CADM1: variants seen among roughly 807,000 people sequenced by gnomAD.
CADM1 encodes the protein cell adhesion molecule 1.
In CADM1, 15 loss-of-function variants were observed where a neutral mutation model predicts 53.1. That is an observed-to-expected ratio of 0.28 (90% confidence interval 0.19 to 0.44). The LOEUF is 0.44. Among genes scored for constraint, CADM1 ranks in the 20% least tolerant of loss-of-function variants. The pLI is 1.00. For synonymous variants in CADM1, 281 were observed against 243.0 expected (o/e 1.16, Z -1.45); for missense variants, 434 against 611.3 (o/e 0.71, Z 3.06).
intron 1 of CADM1, among the ~76,000 whole-genome samples, chr11:115,373,503 T>C (rs942939970): frequency 7.0e-6 from 1 of 142,750 alleles, no homozygotes; most frequent in African/African-American, 2.6e-5. Context: ...GAGAATTGCA[T>C]GAACCTGGGA....
intron 1 of CADM1, among the ~76,000 whole-genome samples, chr11:115,442,249 A>T (rs1948332000): frequency 6.6e-6 from 1 of 152,030 alleles, no homozygotes; most frequent in African/African-American, 2.4e-5. Flanking sequence ...AAATACAATC[A>T]TAATATATGA....
intron 1 of CADM1, among the ~76,000 whole-genome samples, chr11:115,473,320 G>A (rs1343816771): frequency 2.6e-5 from 4 of 152,104 alleles, no homozygotes; most frequent in East Asian, 1.9e-4. Context: ...TTCGCCAGGC[G>A]TGGTGGCACA....
chr11:115,446,154 A>G (rs1436681440), intron 1 of CADM1, among the ~76,000 whole-genome samples: 5 of 152,046 alleles, frequency 3.3e-5, no homozygotes, highest in Non-Finnish European at 7.4e-5. Context: ...AACACCTACT[A>G]TGTGCTAGCA....
chr11:115,206,371 G>C (rs548679225), intron 8 of CADM1, among the ~76,000 whole-genome samples: 2 of 152,308 alleles, frequency 1.3e-5, no homozygotes, highest in Non-Finnish European at 2.9e-5. Context: ...GGGTAAGCAG[G>C]AGGCAGAAAA....
chr11:115,349,618 C>T (rs1165168222), intron 1 of CADM1, among the ~76,000 whole-genome samples: 1 of 152,196 alleles, frequency 6.6e-6, no homozygotes, highest in Non-Finnish European at 1.5e-5. Context: ...AAGCCAGATT[C>T]TGTTGGTATT....
intron 6 of CADM1, among the ~76,000 whole-genome samples, chr11:115,215,865 CACG>C (rs1941160002): frequency 6.6e-6 from 1 of 152,206 alleles, no homozygotes; most frequent in South Asian, 2.1e-4. Flanking sequence ...GGAGCAGCGA[CACG>C]ACAAGAGACC....
rs991408884 is a variant in CADM1, at chr11:115,172,725, A to ATTTTTTTT, written c.*3741_*3748dup. The ATTTTTTTT allele has an allele frequency of 1.6e-4, 14 of 85,542 alleles. No homozygotes were observed. The highest frequency in any genetic ancestry group is 1.9e-4 in the Admixed American group (1 of 5,252). 5.3% of individuals were successfully genotyped at this position (85,542 alleles called of 1,614,324 possible). A position where few individuals can be genotyped will look rare whatever the true frequency, so the allele number is the denominator to read the frequency against. ...CAGGTGCTCAATAACTGCATATCTG[A>ATTTTTTTT]TTTTTTTTTTTTTTTTTTTTTTTTT... On this transcript the variant is annotated 3_prime_UTR_variant, in exon 12 of 12. Transcript: ENST00000331581.
intron 1 of CADM1, among the ~76,000 whole-genome samples, chr11:115,491,078 T>A (rs879879885): frequency 5.3e-5 from 8 of 152,018 alleles, no homozygotes; most frequent in Non-Finnish European, 8.8e-5. Flanking sequence ...AAGTAAATTA[T>A]ACTGCAATTA....
intron 1 of CADM1, among the ~76,000 whole-genome samples, chr11:115,367,632 C>A (rs938831737): frequency 6.6e-6 from 1 of 151,974 alleles, no homozygotes; most frequent in Non-Finnish European, 1.5e-5. Context: ...TTTCTGTATA[C>A]TTTTAGCATA....
At chr11:115,253,032 T>C (rs1942656998) in intron 1 of CADM1, among the ~76,000 whole-genome samples, 1 of 152,182 alleles carries the variant, frequency 6.6e-6, no homozygotes, top group African/African-American at 2.4e-5. Flanking sequence ...GGAAAAAGAA[T>C]TGTCTTGGGT....
chr11:115,431,744 T>C (rs1249293336), intron 1 of CADM1, among the ~76,000 whole-genome samples: 1 of 152,012 alleles, frequency 6.6e-6, no homozygotes, highest in Non-Finnish European at 1.5e-5. Context: ...ACACCAGCCC[T>C]TCATATCTCA....
rs2134552421 is a variant in CADM1 at position 115,171,766 on chromosome 11, G to A, written c.*4708C>T. On this transcript the variant is annotated 3_prime_UTR_variant, in exon 12 of 12. Coordinates refer to ENST00000331581, the MANE Select transcript of CADM1 (RefSeq NM_001301043.2). ...TGCTGCAGACAAGAGGGAGAGGGGT[G>A]GGGAGACTAAACATACTGCATGCCA... The A allele has an allele frequency of 6.6e-6, 1 of 152,284 alleles. No homozygotes were observed. The highest frequency in any genetic ancestry group is 2.1e-4 in the South Asian group (1 of 4,816). The allele number at this position is 152,284 out of a possible 1,614,324, so 9.4% of individuals were successfully genotyped here. A position where few individuals can be genotyped will look rare whatever the true frequency, so the allele number is the denominator to read the frequency against.
intron 1 of CADM1, among the ~76,000 whole-genome samples, chr11:115,406,783 C>G (rs1232889576): frequency 1.3e-5 from 2 of 150,992 alleles, no homozygotes; most frequent in Admixed American, 1.3e-4. Flanking sequence ...CCCATCTCAA[C>G]TAAACATACA....
At chr11:115,411,431 A>G (rs1317592631) in intron 1 of CADM1, among the ~76,000 whole-genome samples, 1 of 152,206 alleles carries the variant, frequency 6.6e-6, no homozygotes, top group Non-Finnish European at 1.5e-5. Context: ...TACTATATTT[A>G]GTTATGGAAT....
At chr11:115,410,563 C>T (rs1167713834) in intron 1 of CADM1, among the ~76,000 whole-genome samples, 1 of 151,828 alleles carries the variant, frequency 6.6e-6, no homozygotes, top group Non-Finnish European at 1.5e-5. Context: ...GTTTACAGAG[C>T]TTTAAAAAAT....
intron 1 of CADM1, among the ~76,000 whole-genome samples, chr11:115,489,534 T>C (rs1016663859): frequency 1.3e-5 from 2 of 152,218 alleles, no homozygotes; most frequent in African/African-American, 4.8e-5. Context: ...GAAAACATAT[T>C]CAAGCTGAGA....
intron 1 of CADM1, among the ~76,000 whole-genome samples, chr11:115,497,817 G>GGGC (rs1949652902): frequency 6.6e-6 from 1 of 152,074 alleles, no homozygotes; most frequent in African/African-American, 2.4e-5. Flanking sequence ...AACTCAGAGG[G>GGGC]GGCGGTGCAG....
At chr11:115,350,376 T>C (rs1945697823) in intron 1 of CADM1, among the ~76,000 whole-genome samples, 1 of 151,750 alleles carries the variant, frequency 6.6e-6, no homozygotes, top group African/African-American at 2.4e-5. Context: ...AATGGTTCAG[T>C]GGATATTAAA....
intron 1 of CADM1, among the ~76,000 whole-genome samples, chr11:115,259,623 A>G (rs754134694): frequency 5.9e-5 from 9 of 151,794 alleles, no homozygotes; most frequent in Middle Eastern, 3.2e-3. Context: ...TGTTTTTTTT[A>G]AAGGAAAGAG....
Sources: allele counts gnomAD v4.1 joint callset (sites outside exome capture counted in the v4.1 genomes callset), GRCh38; gene constraint gnomAD v4.1.1; transcripts MANE v1.5; gene names NCBI Gene and HGNC (gene_info 2026-07-23, HGNC 2026-07-21).